Variants in AP1M1 observed in about 807,000 individuals in gnomAD.
The protein encoded by AP1M1 is AP-1 complex subunit mu-1.
In AP1M1, 18 loss-of-function variants were observed where a neutral mutation model predicts 57.1. The ratio of observed to expected loss-of-function variants is 0.32; its 90% CI spans 0.22 to 0.47. The LOEUF is 0.47. AP1M1 is among the 20% of genes least tolerant of loss of function. The pLI is 1.00. For missense variants in AP1M1, 362 were observed against 593.5 expected, an observed-to-expected ratio of 0.61 and a Z score of 4.05; for synonymous variants, 241 against 237.9, an observed-to-expected ratio of 1.01 and a Z score of -0.12.
chr19:16,244,882 T>TTTTGTTGTTGTTG lies in AP1M1; in HGVS notation c.*10449_*10450insTGTTGTTGTTGTT, dbSNP rs370663435. 2.7e-5 allele frequency: 4 copies of TTTTGTTGTTGTTG among 149,574 alleles called. No individual in the cohort carries two copies. The highest frequency in any genetic ancestry group is 4.4e-5 in the Non-Finnish European group (3 of 67,700). The allele number at this position is 149,574 out of a possible 1,614,324, so 9.3% of individuals were successfully genotyped here. A position where few individuals can be genotyped will look rare whatever the true frequency, so the allele number is the denominator to read the frequency against. On this transcript the variant is annotated 3_prime_UTR_variant, in exon 12 of 12. Coordinates refer to ENST00000291439, the MANE Select transcript of AP1M1 (RefSeq NM_032493.4). ...TAAATAACATGGATAAAATTTGTTGTTTGTTGTTGTTGTTGTTGTTGTTGT... is the reference window on the plus strand; with the variant it reads ...TAAATAACATGGATAAAATTTGTTGTTTTGTTGTTGTTGTTGTTGTTGTTGTTGTTGTTGTTGT...
intron 1 of AP1M1, among the ~76,000 whole-genome samples, chr19:16,200,438 G>A (rs1244357084): frequency 6.6e-6 from 1 of 152,050 alleles, no homozygotes; most frequent in African/African-American, 2.4e-5. Flanking sequence ...CCAACCAGGA[G>A]CCACCGTGAG....
At chr19:16,202,083 G>A (rs920105375) in intron 1 of AP1M1, among the ~76,000 whole-genome samples, 4 of 152,162 alleles carry the variant, frequency 2.6e-5, no homozygotes, top group Non-Finnish European at 5.9e-5. Flanking sequence ...CCCTCAACAC[G>A]TCATCACCTG....
chr19:16,230,397 C>T (rs542028523), intron 9 of AP1M1, among the ~76,000 whole-genome samples: 21 of 131,534 alleles, frequency 1.6e-4, no homozygotes, highest in African/African-American at 5.3e-4. Flanking sequence ...CTACAGTATA[C>T]GGTAACCTTT....
intron 5 of AP1M1, 128 bp downstream of exon 5, chr19:16,209,305 T>C (rs1350258926): frequency 1.9e-6 from 2 of 1,046,512 alleles, no homozygotes; most frequent in African/African-American, 3.2e-5. Context: ...GGATTCAGTT[T>C]GGGCCACTCA....
In AP1M1 at chr19:16,237,380, G is replaced by C. The variant is rs1204468616; in HGVS notation, c.*2945G>C. 3 of 152,494 alleles carry C rather than the reference G, an allele frequency of 2.0e-5. No individual in the cohort carries two copies. Among genetic ancestry groups the C allele is most frequent in the Middle Eastern group, 3.1e-3 (1 of 320 alleles). 9.4% of individuals were successfully genotyped at this position (152,494 alleles called of 1,614,324 possible). ...ACCCAGGAGGTGGAGGTTGCAGTGA[G>C]CCAAGATAGTGTTACTGCACTCCAG... On this transcript the variant is annotated 3_prime_UTR_variant, in exon 12 of 12. Transcript: ENST00000291439.
chr19:16,219,304 G>C (rs536995272), intron 5 of AP1M1, among the ~76,000 whole-genome samples: 22 of 151,800 alleles, frequency 1.4e-4, no homozygotes, highest in Non-Finnish European at 2.5e-4. Flanking sequence ...TTGGATTTCA[G>C]ATTTCTTTGG....
At position 16,241,448 on chromosome 19, in the gene AP1M1, C is replaced by G. The variant is rs2145151312; in HGVS notation, c.*7013C>G. On this transcript the variant is annotated 3_prime_UTR_variant, in exon 12 of 12. Transcript: ENST00000291439. ...TTAGAAACCATTGGATCTGTCTAAA[C>G]TGTCATTGACTGTGTAAAGCAATAA... The G allele has an allele frequency of 6.6e-6, 1 of 152,264 alleles. No individual in the cohort carries two copies. Among genetic ancestry groups the G allele is most frequent in the South Asian group, 2.1e-4 (1 of 4,830 alleles). The allele number at this position is 152,264 out of a possible 1,614,324, so 9.4% of individuals were successfully genotyped here. A position where few individuals can be genotyped will look rare whatever the true frequency, so the allele number is the denominator to read the frequency against.
At chr19:16,218,262 G>A (rs577238507) in intron 5 of AP1M1, among the ~76,000 whole-genome samples, 2 of 152,198 alleles carry the variant, frequency 1.3e-5, no homozygotes, top group Non-Finnish European at 2.9e-5. Flanking sequence ...GCTCGCCCTT[G>A]AGTTCTTTCC....
In AP1M1 at chr19:16,244,461, A is replaced by C. The variant is rs1479679414; in HGVS notation, c.*10026A>C. 6.6e-6 allele frequency: 1 copy of C among 152,212 alleles called. No individual in the cohort carries two copies. Among genetic ancestry groups the C allele is most frequent in the South Asian group, 2.1e-4 (1 of 4,836 alleles). 9.4% of individuals were successfully genotyped at this position (152,212 alleles called of 1,614,324 possible). ...AAATCTAGACAAAGATTGCATAAACAGTTTCTGGAGTTTTTTTAAGTGATA... is the reference window on the plus strand; with the variant it reads ...AAATCTAGACAAAGATTGCATAAACCGTTTCTGGAGTTTTTTTAAGTGATA... On this transcript the variant is annotated 3_prime_UTR_variant, in exon 12 of 12. Coordinates refer to ENST00000291439, the MANE Select transcript of AP1M1 (RefSeq NM_032493.4).
rs914194658 is a variant in AP1M1 at position 16,236,817 on chromosome 19, T to C, written c.*2382T>C. On this transcript the variant is annotated 3_prime_UTR_variant, in exon 12 of 12. Transcript: ENST00000291439. Reference sequence around the variant, plus strand: ...TGTTACCTAAGATCCTCGCACACAATAGACCCTCAACATGAGGGCACATCC... The same window carrying C: ...TGTTACCTAAGATCCTCGCACACAACAGACCCTCAACATGAGGGCACATCC... The C allele has an allele frequency of 2.6e-5, 4 of 152,170 alleles. No individual in the cohort carries two copies. Among genetic ancestry groups the C allele is most frequent in the Admixed American group, 1.3e-4 (2 of 15,270 alleles). 9.4% of individuals were successfully genotyped at this position (152,170 alleles called of 1,614,324 possible). A position where few individuals can be genotyped will look rare whatever the true frequency, so the allele number is the denominator to read the frequency against.
rs974958262 is a variant in AP1M1 at position 16,207,032 on chromosome 19, AGACT to A, written c.267+628_267+631del. On this transcript the variant is annotated intron_variant, in intron 3 of 11. Transcript: ENST00000291439. This position sits in a 1 kb window ranked among gnomAD's most constrained non-coding sequence, Gnocchi z 4.2. ...AAGGTAGTGGAGGGCTTTAAGCAGG[AGACT>A]GACAAGACGTGGTTTGATCTAAAGC... Among the ~76,000 whole-genome samples the A allele has an allele frequency of 2.0e-5, 3 of 152,194 alleles. No individual in the cohort carries two copies. The highest frequency in any genetic ancestry group is 7.2e-5 in the African/African-American group (3 of 41,456).
At chr19:16,233,949 G>GC (rs1270995574) in intron 10 of AP1M1, 1 of 551,794 alleles carries the variant, frequency 1.8e-6, no homozygotes, top group Non-Finnish European at 3.2e-6. Context: ...TTCTGGCCGG[G>GC]CCCCCCAAGC....
Position 16,227,597 on chromosome 19 carries a change from T to C in AP1M1, c.723T>C (p.Cys241=). 1 of 1,614,072 alleles carries C rather than the reference T, an allele frequency of 6.2e-7. No individual in the cohort carries two copies. Among genetic ancestry groups the C allele is most frequent in the East Asian group, 2.2e-5 (1 of 44,880 alleles). ...TGGAGGATGTGAAGTTCCACCAGTG[T>C]GTGCGGCTATCACGCTTCGAGAATG... ...VELEDVKFHQ[C]VRLSRFENDR... The change falls in exon 7 of 12, where the codon TGT becomes TGC. Residue 241 remains cysteine (C), a synonymous_variant. Transcript: ENST00000291439. This position sits in a 1 kb window ranked among gnomAD's most constrained non-coding sequence, Gnocchi z 6.2.
At position 16,203,657 on chromosome 19, in the gene AP1M1, G is replaced by T; in HGVS notation, c.199+42G>T. 1 of 1,563,306 alleles carries T rather than the reference G, an allele frequency of 6.4e-7. No homozygotes were observed. The highest frequency in any genetic ancestry group is 8.7e-7 in the Non-Finnish European group (1 of 1,152,308). On this transcript the variant is annotated intron_variant, in intron 2 of 11. Transcript: ENST00000291439. The surrounding 1 kb of genome is among the most constrained non-coding windows in gnomAD (Gnocchi z 4.6). ...GGTGCTCCCAGGGGACTCCTGTGTGGGTGTTGGTGTGTGTGCATATCCACA... is the reference window on the plus strand; with the variant it reads ...GGTGCTCCCAGGGGACTCCTGTGTGTGTGTTGGTGTGTGTGCATATCCACA...
Position 16,228,342 on chromosome 19 carries a change from C to T in AP1M1, c.888+134C>T. ...CTGTGGCCTCAGATGCAGGAGTGAC[C>T]TGACACTGAGGGGACACCGCCTGGG... On this transcript the variant is annotated intron_variant, in intron 8 of 11. Transcript: ENST00000291439. The surrounding 1 kb of genome is among the most constrained non-coding windows in gnomAD (Gnocchi z 5.0). 1 of 933,256 alleles carries T rather than the reference C, an allele frequency of 1.1e-6. No individual in the cohort carries two copies. The highest frequency in any genetic ancestry group is 1.7e-6 in the Non-Finnish European group (1 of 603,384). The allele number at this position is 933,256 out of a possible 1,614,324, so 57.8% of individuals were successfully genotyped here. A position where few individuals can be genotyped will look rare whatever the true frequency, so the allele number is the denominator to read the frequency against.
chr19:16,204,989 C>G (rs2091463781), intron 2 of AP1M1, among the ~76,000 whole-genome samples: 1 of 152,104 alleles, frequency 6.6e-6, no homozygotes, highest in Non-Finnish European at 1.5e-5. Context: ...CGCCACCACG[C>G]CCAGCTAATT....
chr19:16,226,568 C>T lies in AP1M1; in HGVS notation c.673+21C>T, dbSNP rs192837719. 52 of 1,566,454 alleles carry T rather than the reference C, an allele frequency of 3.3e-5. No homozygotes were observed. In the East Asian group the frequency reaches 1.1e-3, roughly 33 times the overall value. ...GGGCCGTGAGTACCCTTGCCAAGGGCCCTGCCCATGAGGATGGCCTCACCA... is the reference window on the plus strand; with the variant it reads ...GGGCCGTGAGTACCCTTGCCAAGGGTCCTGCCCATGAGGATGGCCTCACCA... On this transcript the variant is annotated intron_variant, in intron 6 of 11. Transcript: ENST00000291439.
At chr19:16,204,207 C>T (rs1266070520) in intron 2 of AP1M1, among the ~76,000 whole-genome samples, 2 of 151,796 alleles carry the variant, frequency 1.3e-5, no homozygotes, top group Non-Finnish European at 2.9e-5. Context: ...GGGAAGTGGC[C>T]TGGACCACGG....
intron 5 of AP1M1, among the ~76,000 whole-genome samples, chr19:16,222,421 C>T (rs370870201): frequency 9.9e-5 from 15 of 151,494 alleles, no homozygotes; most frequent in African/African-American, 3.6e-4. Flanking sequence ...TCTGTGTTGC[C>T]CTGGCTGATC....
Sources: allele counts gnomAD v4.1 joint callset (sites outside exome capture counted in the v4.1 genomes callset), GRCh38; gene constraint gnomAD v4.1.1; non-coding constraint Gnocchi (gnomAD v3.1); transcripts MANE v1.5; gene names NCBI Gene and HGNC (gene_info 2026-07-23, HGNC 2026-07-21).